The following KTN1 variants were observed in gnomAD, a reference collection of about 807,000 sequenced individuals.
The protein encoded by KTN1 is kinectin.
KTN1 carries 130 observed loss-of-function variants against 222.5 expected under a neutral mutation model. That is an observed-to-expected ratio of 0.58 (90% CI 0.51 to 0.68). KTN1 has a LOEUF of 0.68. Among genes scored for constraint, KTN1 ranks in the 30% least tolerant of loss-of-function variants. KTN1 has a pLI of 0.00. For synonymous variants in KTN1, 512 were observed against 496.3 expected (o/e 1.03, Z -0.42); for missense variants, 1,508 against 1,500.4 (o/e 1.01, Z -0.08).
At chr14:55,648,503 A>G (rs988126977) in intron 20 of KTN1, among the ~76,000 whole-genome samples, 4 of 152,232 alleles carry the variant, frequency 2.6e-5, no homozygotes, top group African/African-American at 7.2e-5. Flanking sequence ...TAAAAGATGT[A>G]TTTGAATGTA....
In KTN1 at chr14:55,642,487, T is replaced by G. The variant is rs112613113; in HGVS notation, c.2172+727T>G. Among the ~76,000 whole-genome samples, 170 of 152,328 alleles carry G rather than the reference T, an allele frequency of 1.1e-3. 1 individual carries two copies. Among genetic ancestry groups the G allele is most frequent in the African/African-American group, 4.1e-3 (169 of 41,576 alleles). On this transcript the variant is annotated intron_variant, in intron 18 of 43. Transcript: ENST00000395314. ...CAGTGCTGCCTTCGTACTCTTCTTC[T>G]ACGCAGCTCTTACAATTACAATTTA... is the stretch of plus-strand genomic sequence containing the variant.
intron 1 of KTN1, among the ~76,000 whole-genome samples, chr14:55,584,326 A>G (rs918556364): frequency 6.6e-6 from 1 of 152,236 alleles, no homozygotes; most frequent in African/African-American, 2.4e-5. Flanking sequence ...GGCTCCATCA[A>G]TAAACAAAAC....
intron 1 of KTN1, among the ~76,000 whole-genome samples, chr14:55,596,459 T>G (rs2035056813): frequency 6.6e-6 from 1 of 152,174 alleles, no homozygotes; most frequent in African/African-American, 2.4e-5. Context: ...TTGAGGTGAT[T>G]GTGTTGTAAA....
intron 18 of KTN1, among the ~76,000 whole-genome samples, chr14:55,646,642 T>G (rs1403739079): frequency 6.6e-6 from 1 of 151,498 alleles, no homozygotes; most frequent in African/African-American, 2.4e-5. Context: ...CTGGATTCTT[T>G]GTATTTGAAG....
At chr14:55,620,172 C>G (rs12891526) in intron 5 of KTN1, among the ~76,000 whole-genome samples, 54,358 of 152,072 alleles carry the variant, frequency 0.36, 9,796 homozygotes, top group South Asian at 0.41. Flanking sequence ...CTCACATCCA[C>G]GTCATGCTGT....
chr14:55,596,173 AG>A (rs2035010053), intron 1 of KTN1, among the ~76,000 whole-genome samples: 2 of 148,852 alleles, frequency 1.3e-5, no homozygotes, highest in African/African-American at 4.9e-5. Flanking sequence ...AAAAAAAAAA[AG>A]TAAAAATAAA....
chr14:55,631,341 G>GAGATAGATATATAGATAT (rs71448461), intron 7 of KTN1, among the ~76,000 whole-genome samples: 1 of 114,718 alleles, frequency 8.7e-6, no homozygotes, highest in South Asian at 2.8e-4. Flanking sequence ...TGATAAGGTT[G>GAGATAGATATATAGATAT]ATATATATAT....
intron 1 of KTN1, among the ~76,000 whole-genome samples, chr14:55,586,905 T>C (rs573477898): frequency 6.6e-6 from 1 of 152,312 alleles, no homozygotes; most frequent in Admixed American, 6.5e-5. Context: ...TACTCTTGTG[T>C]GATCTTATAG....
intron 23 of KTN1, 23 bp from the exon 24 acceptor site, chr14:55,650,546 T>A (rs1349140441): frequency 1.9e-6 from 3 of 1,588,522 alleles, no homozygotes; most frequent in Non-Finnish European, 2.6e-6. Flanking sequence ...TTGTCCAATC[T>A]TGTCTGTTTT....
chr14:55,583,350 C>G (rs991367042), intron 1 of KTN1, among the ~76,000 whole-genome samples: 2 of 152,070 alleles, frequency 1.3e-5, no homozygotes, highest in African/African-American at 4.8e-5. Context: ...ACTTTTAATT[C>G]TAACAATAGT....
chr14:55,668,203 A>G (rs549086981), intron 34 of KTN1: 1 of 152,080 alleles, frequency 6.6e-6, no homozygotes, highest in Non-Finnish European at 1.5e-5. Flanking sequence ...GCATTTCTCC[A>G]GTTGTCATAA....
chr14:55,580,244 C>T lies in KTN1; in HGVS notation c.-141C>T, dbSNP rs2030977737. 1 of 146,464 alleles carries T rather than the reference C, an allele frequency of 6.8e-6. No individual in the cohort carries two copies. Among genetic ancestry groups the T allele is most frequent in the African/African-American group, 2.5e-5 (1 of 39,500 alleles). The allele number at this position is 146,464 out of a possible 1,614,324, so 9.1% of individuals were successfully genotyped here. A position where few individuals can be genotyped will look rare whatever the true frequency, so the allele number is the denominator to read the frequency against. ...TTCCTGCCGAGCGGCGCGACGGCAC[C>T]TGAGCGACTGCGGCGGCGGCGGCGG... On this transcript the variant is annotated 5_prime_UTR_variant, in exon 1 of 44. Transcript: ENST00000395314.
intron 32 of KTN1, chr14:55,662,856 A>G: frequency 4.4e-6 from 2 of 456,082 alleles, no homozygotes; most frequent in South Asian, 3.1e-5. Context: ...ACTTGCCGAT[A>G]TACTGCTAAC....
intron 40 of KTN1, chr14:55,673,978 A>G (rs1354024856): frequency 2.6e-5 from 4 of 152,106 alleles, no homozygotes; most frequent in Non-Finnish European, 1.5e-5. Flanking sequence ...TGAGTTAAAA[A>G]TTGTTACAGC....
At chr14:55,588,714 T>C (rs1343504479) in intron 1 of KTN1, among the ~76,000 whole-genome samples, 1 of 152,224 alleles carries the variant, frequency 6.6e-6, no homozygotes, top group Non-Finnish European at 1.5e-5. Flanking sequence ...TATCTTGACC[T>C]TTGTTTACAT....
chr14:55,679,182 G>A (rs1057325082), intron 42 of KTN1: 3 of 182,922 alleles, frequency 1.6e-5, no homozygotes, highest in African/African-American at 4.8e-5. Context: ...ACTTACAACA[G>A]TGCCTGGCAC....
At chr14:55,636,838 T>C (rs1171211545) in intron 10 of KTN1, among the ~76,000 whole-genome samples, 8 of 144,586 alleles carry the variant, frequency 5.5e-5, no homozygotes, top group Admixed American at 3.5e-4. Flanking sequence ...TGGTTAATTC[T>C]TTTTTTTTTT....
chr14:55,617,914 C>T (rs2140725728), intron 3 of KTN1, 50 bp from the exon 4 acceptor site: 2 of 1,310,704 alleles, frequency 1.5e-6, no homozygotes, highest in Non-Finnish European at 2.1e-6. Context: ...ATGTCATTTA[C>T]TCTGTTTTGT....
chr14:55,640,120 A>T (rs917473151), intron 14 of KTN1, 117 bp downstream of exon 14: 2 of 729,558 alleles, frequency 2.7e-6, no homozygotes, highest in Admixed American at 5.2e-5. Context: ...AATTCATTTG[A>T]AATAACTGTT....
Sources: gnomAD v4.1 joint callset for allele counts (sites outside exome capture counted in the v4.1 genomes callset) on GRCh38, gnomAD v4.1.1 for gene constraint, MANE v1.5 for transcripts, NCBI Gene and HGNC (gene_info 2026-07-23, HGNC 2026-07-21) for gene names.